The following LRRIQ1 variants were observed in gnomAD, a reference collection of about 807,000 sequenced individuals.
LRRIQ1 encodes leucine-rich repeat- and IQ domain-containing protein 1.
Under a neutral mutation model 211.9 loss-of-function variants are expected in LRRIQ1, and 210 were observed. The ratio of observed to expected loss-of-function variants is 0.99; its 90% confidence interval spans 0.89 to 1.11. The LOEUF (loss-of-function observed/expected upper bound fraction) is 1.11, where lower values mean the gene tolerates loss of function less well. Among genes scored for constraint, LRRIQ1 ranks in the 50% most tolerant of loss-of-function variants. LRRIQ1 has a pLI of 0.00. For missense variants in LRRIQ1, 2,136 were observed against 1,939.5 expected (o/e 1.10, Z -1.90); for synonymous variants, 699 against 650.1 (o/e 1.08, Z -1.14).
intron 24 of LRRIQ1, among the ~76,000 whole-genome samples, chr12:85,218,090 CAATT>C (rs1894240235): frequency 6.6e-6 from 1 of 151,898 alleles, no homozygotes; most frequent in African/African-American, 2.4e-5. Context: ...AACTTAAAAT[CAATT>C]AAGACCATCT....
At chr12:85,072,877 A>G in intron 10 of LRRIQ1, 30 bp from the exon 11 acceptor site, 3 of 1,518,028 alleles carry the variant, frequency 2.0e-6, no homozygotes, top group Middle Eastern at 1.7e-4. Flanking sequence ...CGTCTTATAT[A>G]TTTGGTCTTA....
intron 11 of LRRIQ1, among the ~76,000 whole-genome samples, chr12:85,090,390 A>G (rs1885263129): frequency 6.6e-6 from 1 of 152,178 alleles, no homozygotes; most frequent in Admixed American, 6.5e-5. Context: ...TTGTAGATCC[A>G]CTGGCAGCTT....
chr12:85,136,626 T>G (rs770736398), intron 18 of LRRIQ1, among the ~76,000 whole-genome samples: 1 of 151,848 alleles, frequency 6.6e-6, no homozygotes, highest in Non-Finnish European at 1.5e-5. Context: ...TAACAAAGGT[T>G]GTGGGTGACT....
chr12:85,221,279 A>T (rs1894390690), intron 24 of LRRIQ1, among the ~76,000 whole-genome samples: 1 of 152,182 alleles, frequency 6.6e-6, no homozygotes, highest in Non-Finnish European at 1.5e-5. Context: ...TCCAAATTCT[A>T]GTTCTACTTT....
intron 15 of LRRIQ1, among the ~76,000 whole-genome samples, chr12:85,112,630 C>T (rs577073642): frequency 1.3e-4 from 19 of 151,642 alleles, no homozygotes; most frequent in African/African-American, 4.1e-4. Flanking sequence ...CTTGCATTGT[C>T]CCAGGCACTT....
intron 11 of LRRIQ1, among the ~76,000 whole-genome samples, chr12:85,093,563 A>G (rs1246845020): frequency 2.0e-5 from 3 of 152,108 alleles, no homozygotes; most frequent in Admixed American, 2.0e-4. Flanking sequence ...TATAAGAGCC[A>G]CTCCAAAGAT....
chr12:85,233,954 A>ATGC (rs1470632824), intron 26 of LRRIQ1, among the ~76,000 whole-genome samples: 1 of 152,214 alleles, frequency 6.6e-6, no homozygotes, highest in East Asian at 1.9e-4. Flanking sequence ...ATTTTGGTCA[A>ATGC]GCATGGTGGT....
chr12:85,036,529 AG>A (rs1878099401), intron 1 of LRRIQ1, 122 bp downstream of exon 1: 1 of 152,310 alleles, frequency 6.6e-6, no homozygotes, highest in African/African-American at 2.4e-5. Context: ...ACCGCGGGTC[AG>A]GGGATGGCTG....
Position 85,198,239 on chromosome 12 carries a change from C to T in LRRIQ1, c.4823-31278C>T, listed in dbSNP as rs564297733. 2.1e-3 allele frequency among the ~76,000 whole-genome samples: 295 copies of T among 142,466 alleles called. 2 individuals are homozygous for T. Among genetic ancestry groups the T allele is most frequent in the Non-Finnish European group, 3.7e-3 (242 of 66,278 alleles). The allele number at this position is 142,466 out of a possible 152,430, so 93.5% of individuals were successfully genotyped here. On this transcript the variant is annotated intron_variant, in intron 24 of 26. Coordinates refer to ENST00000393217, the MANE Select transcript of LRRIQ1 (RefSeq NM_001079910.2). The stretch of plus-strand genomic sequence containing the variant: ...ATGGGCATTTAGGTTGGTTCCATGT[C>T]TTTGTTATTGTGAATAGTGCTGCAA...
In LRRIQ1 at chr12:85,059,133, C is replaced by A. The variant is rs76251231; in HGVS notation, c.2391+1949C>A. On this transcript the variant is annotated intron_variant, in intron 8 of 26. Transcript: ENST00000393217. ...CTCAGTTTCTTTTTGACTTTCTGAT[C>A]TTTTAGCTTCAGATCTTTATCCTTA... Among the ~76,000 whole-genome samples, 34 of 152,058 alleles carry A rather than the reference C, an allele frequency of 2.2e-4. No individual in the cohort carries two copies. The East Asian group carries it at 5.6e-3, about 25-fold the overall frequency.
chr12:85,112,188 C>G (rs1008784997), intron 15 of LRRIQ1, among the ~76,000 whole-genome samples: 1 of 151,844 alleles, frequency 6.6e-6, no homozygotes, highest in Non-Finnish European at 1.5e-5. Flanking sequence ...ATAGGACATT[C>G]TTCAATCTTG....
intron 15 of LRRIQ1, among the ~76,000 whole-genome samples, chr12:85,119,526 A>G (rs1887823273): frequency 6.6e-6 from 1 of 152,184 alleles, no homozygotes; most frequent in African/African-American, 2.4e-5. Flanking sequence ...ATAAATGCCA[A>G]GGAGTATTAT....
intron 7 of LRRIQ1, among the ~76,000 whole-genome samples, chr12:85,055,131 A>T (rs539459352): frequency 6.6e-6 from 1 of 152,210 alleles, no homozygotes; most frequent in Admixed American, 6.5e-5. Flanking sequence ...TGCAGTCTCA[A>T]TACTAGCTCT....
chr12:85,190,701 G>A (rs912200913), intron 24 of LRRIQ1, among the ~76,000 whole-genome samples: 1 of 151,810 alleles, frequency 6.6e-6, no homozygotes, highest in Non-Finnish European at 1.5e-5. Context: ...CTGGGCTAAA[G>A]CATTCTTATC....
intron 1 of LRRIQ1, among the ~76,000 whole-genome samples, chr12:85,259,893 C>T (rs748446871): frequency 4.0e-5 from 6 of 151,824 alleles, no homozygotes; most frequent in Non-Finnish European, 7.4e-5. Flanking sequence ...TCAAATACAA[C>T]ATAATAATAT....
intron 19 of LRRIQ1, among the ~76,000 whole-genome samples, chr12:85,148,837 T>C (rs943124623): frequency 8.6e-5 from 13 of 151,874 alleles, no homozygotes; most frequent in African/African-American, 2.7e-4. Flanking sequence ...TTAATAATTG[T>C]CATTCTGACT....
chr12:85,220,989 T>G (rs150559757), intron 24 of LRRIQ1, among the ~76,000 whole-genome samples: 2,977 of 151,952 alleles, frequency 0.02, 98 homozygotes, highest in African/African-American at 0.069. Flanking sequence ...TTTTTGTATT[T>G]TTATTAGAGA....
In LRRIQ1 at chr12:85,106,515, T is replaced by C; in HGVS notation, c.3284-7T>C. ...GATACCTTTCAAAATGATTTTATTT[T>C]CTGTAGATCTTAAAAGTGCCATAAA... On this transcript the variant is annotated splice_polypyrimidine_tract_variant and splice_region_variant and intron_variant, in intron 14 of 26. Transcript: ENST00000393217. The C allele has an allele frequency of 6.3e-7, 1 of 1,581,438 alleles. No individual in the cohort carries two copies. The highest frequency in any genetic ancestry group is 8.7e-7 in the Non-Finnish European group (1 of 1,152,724).
At chr12:85,205,277 C>CA (rs1270768125) in intron 24 of LRRIQ1, among the ~76,000 whole-genome samples, 1 of 152,164 alleles carries the variant, frequency 6.6e-6, no homozygotes, top group African/African-American at 2.4e-5. Context: ...ATGTCTTTAT[C>CA]AGCAGCATGA....
Sources: gnomAD v4.1 joint callset for allele counts (sites outside exome capture counted in the v4.1 genomes callset) on GRCh38, gnomAD v4.1.1 for gene constraint, MANE v1.5 for transcripts, NCBI Gene and HGNC (gene_info 2026-07-23, HGNC 2026-07-21) for gene names.